The following CAMK1D variants were observed in gnomAD, a reference collection of about 807,000 sequenced individuals.
CAMK1D encodes calcium/calmodulin dependent protein kinase ID.
Under a neutral mutation model 47.7 loss-of-function variants are expected in CAMK1D, and 9 were observed. The ratio of observed to expected loss-of-function variants is 0.19; its 90% confidence interval spans 0.11 to 0.33. CAMK1D has a LOEUF of 0.33. CAMK1D is among the 10% of genes least tolerant of loss of function. The pLI, the probability that CAMK1D is intolerant of heterozygous loss-of-function variation, is 1.00. For missense variants in CAMK1D, 291 were observed against 488.7 expected, an observed-to-expected ratio of 0.60 and a Z score of 3.81; for synonymous variants, 184 against 184.9, an observed-to-expected ratio of 0.99 and a Z score of 0.04.
At chr10:12,373,512 A>G (rs1838068223) in intron 1 of CAMK1D, among the ~76,000 whole-genome samples, 1 of 150,074 alleles carries the variant, frequency 6.7e-6, no homozygotes, top group South Asian at 2.1e-4. Context: ...GGTGCCTGTA[A>G]TCCCAGCTAC....
At chr10:12,611,486 G>A (rs1838618571) in intron 2 of CAMK1D, among the ~76,000 whole-genome samples, 1 of 151,630 alleles carries the variant, frequency 6.6e-6, no homozygotes, top group African/African-American at 2.4e-5. Flanking sequence ...GGCCTGAGAA[G>A]ACATCTCTGG....
intron 1 of CAMK1D, among the ~76,000 whole-genome samples, chr10:12,546,207 T>C (rs1836365196): frequency 6.6e-6 from 1 of 152,108 alleles, no homozygotes; most frequent in Admixed American, 6.6e-5. Context: ...AGCAGTGGGC[T>C]CGCTGGGGGC....
intron 6 of CAMK1D, among the ~76,000 whole-genome samples, chr10:12,808,164 C>G (rs1420284398): frequency 1.3e-5 from 2 of 152,226 alleles, no homozygotes; most frequent in African/African-American, 2.4e-5. Flanking sequence ...TGAGATAGGG[C>G]ATAGGCATCC....
intron 1 of CAMK1D, among the ~76,000 whole-genome samples, chr10:12,367,057 A>C (rs1304468747): frequency 1.3e-5 from 2 of 152,186 alleles, no homozygotes; most frequent in East Asian, 3.8e-4. Context: ...AGCGGGACAG[A>C]TCCTGTCGCC....
At chr10:12,468,443 C>T (rs959288728) in intron 1 of CAMK1D, among the ~76,000 whole-genome samples, 4 of 152,126 alleles carry the variant, frequency 2.6e-5, no homozygotes, top group Admixed American at 6.5e-5. Context: ...GCCACAGGGG[C>T]GGAGGTGGAA....
chr10:12,493,987 G>C (rs949797989), intron 1 of CAMK1D, among the ~76,000 whole-genome samples: 2 of 152,184 alleles, frequency 1.3e-5, no homozygotes, highest in African/African-American at 4.8e-5. Context: ...GGGGAAATAC[G>C]CTGGTGGATG....
intron 2 of CAMK1D, among the ~76,000 whole-genome samples, chr10:12,645,604 C>T (rs549469945): frequency 2.5e-4 from 38 of 152,270 alleles, no homozygotes; most frequent in South Asian, 1.5e-3. Flanking sequence ...CTGCCGGTGA[C>T]GTCCAGAGCC....
intron 1 of CAMK1D, among the ~76,000 whole-genome samples, chr10:12,463,941 A>ATGCCTTGCTTCCCCTTC (rs1333751377): frequency 6.6e-5 from 10 of 151,992 alleles, no homozygotes; most frequent in South Asian, 2.1e-4. Flanking sequence ...TGTGAAGAAG[A>ATGCCTTGCTTCCCCTTC]TGCCTTGCTT....
chr10:12,414,049 A>G (rs3013023), intron 1 of CAMK1D, among the ~76,000 whole-genome samples: 1,970 of 152,322 alleles, frequency 0.013, 50 homozygotes, highest in African/African-American at 0.045. Flanking sequence ...TGAAAAATTA[A>G]GATTTAGCAA....
chr10:12,570,064 G>A (rs1274225581), intron 2 of CAMK1D, among the ~76,000 whole-genome samples: 2 of 152,104 alleles, frequency 1.3e-5, no homozygotes, highest in Non-Finnish European at 2.9e-5. Flanking sequence ...GCTGGATGTG[G>A]TAGCATGTAC....
chr10:12,521,852 A>T (rs1252409044), intron 1 of CAMK1D, among the ~76,000 whole-genome samples: 1 of 151,424 alleles, frequency 6.6e-6, no homozygotes, highest in Non-Finnish European at 1.5e-5. Context: ...TTTTTCATGG[A>T]TGTTCTTGTT....
At chr10:12,593,114 T>C (rs1167523060) in intron 2 of CAMK1D, among the ~76,000 whole-genome samples, 2 of 152,232 alleles carry the variant, frequency 1.3e-5, no homozygotes, top group Non-Finnish European at 2.9e-5. Context: ...TGATGTAGTC[T>C]AAAAGCAGCC....
chr10:12,478,228 T>G (rs1353480918), intron 1 of CAMK1D, among the ~76,000 whole-genome samples: 2 of 152,058 alleles, frequency 1.3e-5, no homozygotes, highest in Non-Finnish European at 2.9e-5. Context: ...CAGGATGGTC[T>G]CGATCTCCTG....
At chr10:12,622,268 GGTT>G (rs1435413815) in intron 2 of CAMK1D, among the ~76,000 whole-genome samples, 2 of 152,120 alleles carry the variant, frequency 1.3e-5, no homozygotes, top group African/African-American at 4.8e-5. Flanking sequence ...GGAGTTGAGC[GGTT>G]GTTGTCTGCA....
intron 8 of CAMK1D, among the ~76,000 whole-genome samples, chr10:12,819,655 C>T (rs1380868113): frequency 3.3e-5 from 5 of 152,228 alleles, no homozygotes; most frequent in Admixed American, 2.6e-4. Context: ...ATGACTCTAC[C>T]AAGGAATTTA....
At chr10:12,635,674 C>G (rs1366319433) in intron 2 of CAMK1D, among the ~76,000 whole-genome samples, 1 of 152,072 alleles carries the variant, frequency 6.6e-6, no homozygotes, top group Non-Finnish European at 1.5e-5. Flanking sequence ...TTTAATGTGG[C>G]AAAACGGATT....
At chr10:12,387,744 C>G (rs1048878140) in intron 1 of CAMK1D, among the ~76,000 whole-genome samples, 1 of 151,764 alleles carries the variant, frequency 6.6e-6, no homozygotes, top group African/African-American at 2.4e-5. Context: ...CCCACCCCAG[C>G]CTCCTAAAAT....
chr10:12,424,139 C>G (rs2131974093), intron 1 of CAMK1D, among the ~76,000 whole-genome samples: 1 of 152,284 alleles, frequency 6.6e-6, no homozygotes, highest in Non-Finnish European at 1.5e-5. Context: ...CCCAAGCCCC[C>G]TTTCCCAGCC....
At chr10:12,692,302 T>C (rs1832959942) in intron 3 of CAMK1D, among the ~76,000 whole-genome samples, 1 of 152,172 alleles carries the variant, frequency 6.6e-6, no homozygotes, top group South Asian at 2.1e-4. Flanking sequence ...AGTTCAGAAA[T>C]AGATGCTCCT....
Sources: gnomAD v4.1 joint callset for allele counts (sites outside exome capture counted in the v4.1 genomes callset) on GRCh38, gnomAD v4.1.1 for gene constraint, MANE v1.5 for transcripts, NCBI Gene and HGNC (gene_info 2026-07-23, HGNC 2026-07-21) for gene names.